Variants in TYR observed in about 807,000 individuals in gnomAD.
TYR encodes tyrosinase, also known as LB24-AB.
Under a neutral mutation model 51.5 loss-of-function variants are expected in TYR, and 58 were observed. That is an observed-to-expected ratio of 1.13 (90% CI 0.91 to 1.40). TYR has a LOEUF of 1.40. TYR is among the 40% of genes most tolerant of loss of function. TYR has a pLI of 0.00. For synonymous variants in TYR, 263 were observed against 235.2 expected (o/e 1.12, Z -1.08); for missense variants, 732 against 647.4 (o/e 1.13, Z -1.42).
At chr11:89,205,413 C>T (rs1452228620) in intron 2 of TYR, among the ~76,000 whole-genome samples, 1 of 151,892 alleles carries the variant, frequency 6.6e-6, no homozygotes, top group African/African-American at 2.4e-5. Flanking sequence ...AGAGTTAAAC[C>T]CAATTTAATA....
At chr11:89,249,388 C>G (rs1376744419) in intron 3 of TYR, among the ~76,000 whole-genome samples, 1 of 139,758 alleles carries the variant, frequency 7.2e-6, no homozygotes, top group East Asian at 2.1e-4. Context: ...ACAGATGAGT[C>G]AGCAAAAGCA....
intron 2 of TYR, among the ~76,000 whole-genome samples, chr11:89,191,706 G>A (rs991248620): frequency 6.6e-6 from 1 of 152,066 alleles, no homozygotes; most frequent in African/African-American, 2.4e-5. Context: ...GCTGCAGTGA[G>A]CTATGATTGT....
In TYR at chr11:89,190,338, G is replaced by A. The variant is rs763964765; in HGVS notation, c.820-864G>A. 9.9e-5 allele frequency among the ~76,000 whole-genome samples: 15 copies of A among 152,216 alleles called. 1 individual carries two copies. In the South Asian group the frequency reaches 1.4e-3, roughly 15 times the overall value. On this transcript the variant is annotated intron_variant, in intron 1 of 4. Coordinates refer to ENST00000263321, the MANE Select transcript of TYR (RefSeq NM_000372.5). ...TTTTCCAGTGGGACAAGATGTGGAGGTGGAAGACAATGATATTGACAACTT... is the reference window on the plus strand; with the variant it reads ...TTTTCCAGTGGGACAAGATGTGGAGATGGAAGACAATGATATTGACAACTT...
intron 2 of TYR, among the ~76,000 whole-genome samples, chr11:89,223,740 A>G (rs2135278725): frequency 6.6e-6 from 1 of 152,268 alleles, no homozygotes; most frequent in Non-Finnish European, 1.5e-5. Flanking sequence ...ATTTGAAGAG[A>G]CAATATATAC....
chr11:89,181,050 CAA>C (rs991004332), intron 1 of TYR, among the ~76,000 whole-genome samples: 1 of 152,068 alleles, frequency 6.6e-6, no homozygotes, highest in Non-Finnish European at 1.5e-5. Flanking sequence ...TTGTAAAGTT[CAA>C]GAGTCTTTTT....
chr11:89,207,941 C>T (rs947711086), intron 2 of TYR, among the ~76,000 whole-genome samples: 1 of 152,136 alleles, frequency 6.6e-6, no homozygotes, highest in Non-Finnish European at 1.5e-5. Flanking sequence ...TTATTTCTTA[C>T]AGCTGCATAT....
chr11:89,262,966 A>G (rs1006013776), intron 3 of TYR, among the ~76,000 whole-genome samples: 8 of 151,698 alleles, frequency 5.3e-5, no homozygotes, highest in Non-Finnish European at 1.0e-4. Context: ...AAGTCTTTCA[A>G]AAAAAGTAGA....
At chr11:89,268,726 C>T (rs1944553930) in intron 3 of TYR, among the ~76,000 whole-genome samples, 1 of 151,862 alleles carries the variant, frequency 6.6e-6, no homozygotes, top group African/African-American at 2.4e-5. Flanking sequence ...GGGATCAAGC[C>T]CAGACTCCCC....
At chr11:89,262,847 C>CAAAAAAAAAAAAAAAAAAAAA (rs771958187) in intron 3 of TYR, among the ~76,000 whole-genome samples, 1 of 19,296 alleles carries the variant, frequency 5.2e-5, no homozygotes, top group Non-Finnish European at 8.2e-5. Context: ...GCTACTCATC[C>CAAAAAAAAAAAAAAAAAAAAA]AAAAAAAAAA....
chr11:89,229,640 C>A (rs939468860), intron 3 of TYR, among the ~76,000 whole-genome samples: 1 of 151,646 alleles, frequency 6.6e-6, no homozygotes, highest in African/African-American at 2.4e-5. Context: ...TGCCCTTATA[C>A]ACAGAAAAGC....
chr11:89,198,771 T>TATATATATATATATATATATATA (rs1565394780), intron 2 of TYR, among the ~76,000 whole-genome samples: 1 of 123,346 alleles, frequency 8.1e-6, no homozygotes, highest in African/African-American at 4.5e-5. Context: ...ATATATATAT[T>TATATATATATATATATATATATA]TTTATACTTT....
intron 1 of TYR, among the ~76,000 whole-genome samples, chr11:89,189,099 T>C (rs1943410539): frequency 6.6e-6 from 1 of 152,182 alleles, no homozygotes; most frequent in South Asian, 2.1e-4. Flanking sequence ...TTTTTAATGT[T>C]GAGTTCTGCT....
At chr11:89,216,597 G>A (rs903771775) in intron 2 of TYR, among the ~76,000 whole-genome samples, 14 of 136,796 alleles carry the variant, frequency 1.0e-4, no homozygotes, top group Admixed American at 4.0e-4. Context: ...AGGTCGCAGT[G>A]AGCCGAGATC....
intron 2 of TYR, among the ~76,000 whole-genome samples, chr11:89,216,633 G>A (rs1339447170): frequency 9.2e-6 from 1 of 108,190 alleles, no homozygotes; most frequent in African/African-American, 4.2e-5. Flanking sequence ...AGCCTGGATG[G>A]AGTTTTTCCA....
intron 3 of TYR, among the ~76,000 whole-genome samples, chr11:89,232,468 T>G (rs1307795209): frequency 7.0e-6 from 1 of 143,008 alleles, no homozygotes; most frequent in Non-Finnish European, 1.5e-5. Flanking sequence ...GCACTGCATG[T>G]TTTCTCTTAT....
chr11:89,223,198 C>G (rs1265293104), intron 2 of TYR, among the ~76,000 whole-genome samples: 1 of 152,130 alleles, frequency 6.6e-6, no homozygotes, highest in Non-Finnish European at 1.5e-5. Flanking sequence ...ATTTGTAAAA[C>G]TGAGGTAATG....
In TYR at chr11:89,178,238, C is replaced by T. The variant is rs1943251591; in HGVS notation, c.285C>T (p.Phe95=). The T allele has an allele frequency of 1.2e-6, 2 of 1,614,192 alleles. No homozygotes were observed. The highest frequency in any genetic ancestry group is 1.7e-5 in the Admixed American group (1 of 60,034). Residue 95 remains phenylalanine, a synonymous_variant, in exon 1 of 5, where the codon TTC becomes TTT. Transcript: ENST00000263321. ...GGACCTGCCAGTGCTCTGGCAACTT[C>T]ATGGGATTCAACTGTGGAAACTGCA... is the stretch of plus-strand genomic sequence containing the variant. ...YNRTCQCSGN[F]MGFNCGNCKF...
chr11:89,269,009 G>A (rs139176696), intron 3 of TYR, among the ~76,000 whole-genome samples: 1,574 of 151,980 alleles, frequency 0.01, 29 homozygotes, highest in African/African-American at 0.036. Context: ...ATCTTTAAGA[G>A]CATCATTTAT....
chr11:89,232,413 G>A lies in TYR; in HGVS notation c.1184+4443G>A, dbSNP rs748663203. On this transcript the variant is annotated intron_variant, in intron 3 of 4. Coordinates refer to ENST00000263321, the MANE Select transcript of TYR (RefSeq NM_000372.5). ...CCTTCGCAGCATCGTGGATGTAGCTGTAGGCCATAATCTGAAGTAAATTAA... is the reference window on the plus strand; with the variant it reads ...CCTTCGCAGCATCGTGGATGTAGCTATAGGCCATAATCTGAAGTAAATTAA... Among the ~76,000 whole-genome samples, 3 of 143,534 alleles carry A rather than the reference G, an allele frequency of 2.1e-5. 1 individual carries two copies. Among genetic ancestry groups the A allele is most frequent in the Non-Finnish European group, 1.5e-5 (1 of 66,700 alleles). The allele number at this position is 143,534 out of a possible 152,430, so 94.2% of individuals were successfully genotyped here. A position where few individuals can be genotyped will look rare whatever the true frequency, so the allele number is the denominator to read the frequency against.
Sources: allele counts gnomAD v4.1 joint callset (sites outside exome capture counted in the v4.1 genomes callset), GRCh38; gene constraint gnomAD v4.1.1; transcripts MANE v1.5; gene names NCBI Gene and HGNC (gene_info 2026-07-23, HGNC 2026-07-21).